The following KLHL13 variants were observed in gnomAD, a reference collection of about 807,000 sequenced individuals.
KLHL13 encodes kelch like family member 13.
Under a neutral mutation model 37.1 loss-of-function variants are expected in KLHL13, and 10 were observed. That is an observed-to-expected ratio of 0.27 (90% CI 0.17 to 0.46). The LOEUF (loss-of-function observed/expected upper bound fraction) is 0.46, where lower values mean the gene tolerates loss of function less well. Among genes scored for constraint, KLHL13 ranks in the 20% least tolerant of loss-of-function variants. The pLI, the probability that KLHL13 is intolerant of heterozygous loss-of-function variation, is 1.00. For synonymous variants in KLHL13, 163 were observed against 181.2 expected (o/e 0.90, Z 0.81); for missense variants, 360 against 509.3 (o/e 0.71, Z 2.82).
At chrX:117,945,453 T>A (rs766969851) in exon 2 of KLHL13, 2 of 1,209,735 alleles carry the variant, frequency 1.7e-6, no homozygotes, top group Admixed American at 4.4e-5. Flanking sequence ...CACAGAACTG[T>A]GGGTATTGCT....
At chrX:117,924,285 T>C (rs1207311058) in intron 2 of KLHL13, among the ~76,000 whole-genome samples, 1 of 112,133 alleles carries the variant, frequency 8.9e-6, no homozygotes, top group Non-Finnish European at 1.9e-5. Context: ...AAGGCAGTCA[T>C]TTCTCTAAAC....
intron 1 of KLHL13, among the ~76,000 whole-genome samples, chrX:118,106,042 C>G (rs1436930151): frequency 9.5e-6 from 1 of 105,386 alleles, no homozygotes; most frequent in Non-Finnish European, 1.9e-5. Flanking sequence ...GCTGGGACTA[C>G]AGGCACCTGC....
intron 2 of KLHL13, among the ~76,000 whole-genome samples, chrX:117,944,659 G>T (rs1448448467): frequency 9.0e-6 from 1 of 111,265 alleles, no homozygotes; most frequent in Non-Finnish European, 1.9e-5. Flanking sequence ...ATTAAGGGTA[G>T]TAAGAGGACC....
At chrX:117,913,873 A>G (rs1931160250) in intron 4 of KLHL13, among the ~76,000 whole-genome samples, 1 of 110,430 alleles carries the variant, frequency 9.1e-6, no homozygotes, top group South Asian at 3.8e-4. Flanking sequence ...GAACAACAAA[A>G]AAGGATAAAA....
chrX:117,937,377 ATTATC>A, intron 2 of KLHL13, among the ~76,000 whole-genome samples: 1 of 111,746 alleles, frequency 8.9e-6, no homozygotes, highest in East Asian at 2.8e-4. Context: ...TTGAAGAAAA[ATTATC>A]TTCAAGTAAC....
chrX:118,025,086 A>G (rs2054260410), intron 1 of KLHL13, among the ~76,000 whole-genome samples: 1 of 111,968 alleles, frequency 8.9e-6, no homozygotes, highest in African/African-American at 3.2e-5. Context: ...TATAAATTCA[A>G]CATCCCCTGA....
intron 1 of KLHL13, among the ~76,000 whole-genome samples, chrX:118,091,341 AT>A (rs1192544289): frequency 3.8e-4 from 42 of 111,949 alleles, no homozygotes; most frequent in Non-Finnish European, 5.1e-4. Flanking sequence ...TCTGACAAAG[AT>A]TTTAAAGTAG....
intron 1 of KLHL13, among the ~76,000 whole-genome samples, chrX:118,098,867 T>A (rs1469774873): frequency 1.0e-5 from 1 of 96,327 alleles, no homozygotes; most frequent in East Asian, 3.5e-4. Context: ...TAGGTGGGAA[T>A]TGAACAATGA....
exon 5 of KLHL13, chrX:117,909,375 C>A (rs1199927214): frequency 8.3e-7 from 1 of 1,209,006 alleles, no homozygotes; most frequent in Non-Finnish European, 1.1e-6. Context: ...GAAGAAGGTG[C>A]GCTTTTCATT....
chrX:118,020,933 T>C (rs1217593573), intron 1 of KLHL13, among the ~76,000 whole-genome samples: 9 of 89,561 alleles, frequency 1.0e-4, no homozygotes, highest in East Asian at 7.7e-4. Context: ...TAGGTGGGAA[T>C]TGAACAATGA....
chrX:118,018,901 G>T (rs1053193222), intron 1 of KLHL13, among the ~76,000 whole-genome samples: 5 of 111,117 alleles, frequency 4.5e-5, no homozygotes, highest in Non-Finnish European at 7.6e-5. Context: ...AGCTTTTATA[G>T]ATATACAAGC....
At chrX:118,018,691 G>A (rs970194413) in intron 1 of KLHL13, among the ~76,000 whole-genome samples, 1 of 111,227 alleles carries the variant, frequency 9.0e-6, no homozygotes, top group East Asian at 2.8e-4. Flanking sequence ...TCCTGTCTCT[G>A]AGCAGAATTT....
chrX:118,074,127 T>G (rs998179170), intron 1 of KLHL13, among the ~76,000 whole-genome samples: 2 of 111,656 alleles, frequency 1.8e-5, no homozygotes, highest in African/African-American at 6.5e-5. Flanking sequence ...TCTACCTGTA[T>G]AAACTGTTAA....
chrX:118,032,319 CT>C (rs980300080), intron 1 of KLHL13, among the ~76,000 whole-genome samples: 38 of 112,300 alleles, frequency 3.4e-4, no homozygotes, highest in African/African-American at 1.2e-3. Context: ...CAGCAGTAAC[CT>C]CTACAGACTT....
chrX:118,102,310 A>G (rs6645447), intron 1 of KLHL13, among the ~76,000 whole-genome samples: 1,943 of 112,031 alleles, frequency 0.017, 43 homozygotes, highest in African/African-American at 0.058. Context: ...CGGCTCATAT[A>G]GTAATAATTA....
chrX:117,946,792 A>G (rs775832412), intron 1 of KLHL13: 10 of 111,959 alleles, frequency 8.9e-5, no homozygotes, highest in Non-Finnish European at 1.7e-4. Flanking sequence ...TTCCTGTCAT[A>G]CCTAAAACCC....
intron 2 of KLHL13, among the ~76,000 whole-genome samples, chrX:117,925,343 A>G (rs1009261051): frequency 1.8e-5 from 2 of 112,045 alleles, no homozygotes; most frequent in Non-Finnish European, 3.8e-5. Flanking sequence ...TAAGTAGAGA[A>G]AAAACGAAAC....
intron 5 of KLHL13, among the ~76,000 whole-genome samples, chrX:117,905,821 T>C (rs1814775372): frequency 9.0e-6 from 1 of 111,588 alleles, no homozygotes; most frequent in Non-Finnish European, 1.9e-5. Flanking sequence ...TCCAATTATA[T>C]ATACTCATAC....
At chrX:117,925,326 G>A (rs768835131) in intron 2 of KLHL13, among the ~76,000 whole-genome samples, 27 of 111,660 alleles carry the variant, frequency 2.4e-4, no homozygotes, top group African/African-American at 8.8e-4. Context: ...TTTGATCATT[G>A]TCATTTTAAG....
Sources: gnomAD v4.1 joint callset for allele counts (sites outside exome capture counted in the v4.1 genomes callset) on GRCh38, gnomAD v4.1.1 for gene constraint, MANE v1.5 for transcripts, NCBI Gene and HGNC (gene_info 2026-07-23, HGNC 2026-07-21) for gene names.